KIF21A: variants seen among roughly 807,000 people sequenced by gnomAD.
KIF21A encodes kinesin-like protein KIF21A.
Under a neutral mutation model 202.9 loss-of-function variants are expected in KIF21A, and 114 were observed. The ratio of observed to expected loss-of-function variants is 0.56; its 90% CI spans 0.48 to 0.66. The LOEUF (loss-of-function observed/expected upper bound fraction) is 0.66. Ranked by LOEUF, KIF21A falls within the 30% of genes least tolerant of loss-of-function variation. The pLI is 0.00. For synonymous variants in KIF21A, 667 were observed against 670.8 expected (o/e 0.99, Z 0.09); for missense variants, 1,677 against 1,994.9 (o/e 0.84, Z 3.04).
Position 39,357,318 on chromosome 12 carries a change from C to A in KIF21A, c.1335G>T (p.Thr445=), listed in dbSNP as rs61740919. Reference sequence around the variant, plus strand: ...TAATTCTGGACCTCAATGCATCAACCGTCTCTTGCATGGCTTTAATTCTTA... The same window carrying A: ...TAATTCTGGACCTCAATGCATCAACAGTCTCTTGCATGGCTTTAATTCTTA... ...LRVRIKAMQE[T]VDALRSRITQ... is the part of the protein sequence containing the mutation. Residue 445 remains threonine, a synonymous_variant, in exon 9 of 38, where the codon ACG becomes ACT. Coordinates refer to ENST00000361418, the MANE Select transcript of KIF21A (RefSeq NM_001173464.2). 3.1e-3 allele frequency: 5,053 copies of A among 1,613,996 alleles called. 134 individuals carry two copies. The African/African-American group carries it at 0.058, about 18-fold the overall frequency.
chr12:39,379,440 GTC>G (rs1950475279), intron 1 of KIF21A, among the ~76,000 whole-genome samples: 1 of 151,836 alleles, frequency 6.6e-6, no homozygotes, highest in African/African-American at 2.4e-5. Flanking sequence ...ACTCACTCTG[GTC>G]TCTGCATGAT....
intron 17 of KIF21A, among the ~76,000 whole-genome samples, chr12:39,333,582 A>C (rs1052005905): frequency 6.6e-6 from 1 of 152,196 alleles, no homozygotes; most frequent in African/African-American, 2.4e-5. Flanking sequence ...TACAAATGTT[A>C]TCTTATTTAA....
Position 39,363,158 on chromosome 12 carries a change from T to C in KIF21A, c.959A>G (p.His320Arg), listed in dbSNP as rs1361472826. 2 of 1,613,436 alleles carry C rather than the reference T, an allele frequency of 1.2e-6. No individual in the cohort carries two copies. ...ALGDKSKRATHVPYRDSKLTR... is the reference protein window; with the variant it reads ...ALGDKSKRATRVPYRDSKLTR... ...TAGCTTGGAATCTCTATAGGGGACA[T>C]GTGTGGCCCTCTTGCTCTTGTCTCC... is the stretch of plus-strand genomic sequence containing the variant. The change falls in exon 7 of 38, where the codon CAT becomes CGT. Residue 320 changes from histidine (H) to arginine (R), a missense_variant. By Grantham distance (29) the His-to-Arg change is conservative. Coordinates refer to ENST00000361418, the MANE Select transcript of KIF21A (RefSeq NM_001173464.2).
rs1045018318 is a variant in KIF21A, at chr12:39,351,206, C to A, written c.1673+571G>T. ...GATGCAAAGAAGAGAAAGCCCAGAA[C>A]AGTGGTGAAAAGCTGAGTAACTCCT... On this transcript the variant is annotated intron_variant, in intron 11 of 37. Coordinates refer to ENST00000361418, the MANE Select transcript of KIF21A (RefSeq NM_001173464.2). Among the ~76,000 whole-genome samples, 4 of 152,170 alleles carry A rather than the reference C, an allele frequency of 2.6e-5. No individual in the cohort carries two copies. The East Asian group carries it at 7.7e-4, about 29-fold the overall frequency.
chr12:39,355,020 C>T (rs1014265127), intron 10 of KIF21A, among the ~76,000 whole-genome samples: 4 of 152,118 alleles, frequency 2.6e-5, no homozygotes, highest in African/African-American at 9.7e-5. Context: ...TTATGCTTAT[C>T]CCATATGTAA....
intron 1 of KIF21A, among the ~76,000 whole-genome samples, chr12:39,412,328 T>C (rs908740978): frequency 6.6e-6 from 1 of 152,194 alleles, no homozygotes; most frequent in African/African-American, 2.4e-5. Context: ...TTTAAATGTT[T>C]GACTAGTCAC....
At chr12:39,366,323 A>T (rs770334461) in intron 6 of KIF21A, 27 bp downstream of exon 6, 1 of 1,599,916 alleles carries the variant, frequency 6.3e-7, no homozygotes, top group South Asian at 1.1e-5. Context: ...GCTCTGATAT[A>T]TTCTCAGCAC....
At chr12:39,311,633 TC>T (rs1944046826) in intron 31 of KIF21A, 80 bp from the exon 32 acceptor site, 2 of 1,448,962 alleles carry the variant, frequency 1.4e-6, no homozygotes, top group Non-Finnish European at 1.9e-6. Context: ...TTTGTTTTTT[TC>T]CCCTAACTTT....
chr12:39,442,928 T>C lies in KIF21A; in HGVS notation c.43A>G (p.Arg15Gly). Residue 15 changes from arginine to glycine, a missense_variant and splice_region_variant, in exon 1 of 38, where the codon AGA (arginine) becomes GGA (glycine). Physicochemically the swap from Arg to Gly is moderately radical, Grantham distance 125. Transcript: ENST00000361418. This position sits in a 1 kb window ranked among gnomAD's most constrained non-coding sequence, Gnocchi z 5.0. ...CCGCCGCCGGCAGACTGTCCTCACC[T>C]GACAGCCACCCGCACGGAGCTCTCG... The part of the protein sequence containing the change: ...PDESSVRVAV[R>G]IRPQLAKEKI... The C allele has an allele frequency of 6.6e-7, 1 of 1,524,652 alleles. No individual in the cohort carries two copies. Among genetic ancestry groups the C allele is most frequent in the Non-Finnish European group, 8.8e-7 (1 of 1,142,798 alleles). 94.4% of individuals were successfully genotyped at this position (1,524,652 alleles called of 1,614,324 possible).
At chr12:39,395,014 A>G (rs763772205) in intron 1 of KIF21A, among the ~76,000 whole-genome samples, 3 of 152,052 alleles carry the variant, frequency 2.0e-5, no homozygotes, top group African/African-American at 4.8e-5. Flanking sequence ...TGTCTGTGTA[A>G]AATCTCTCAA....
intron 28 of KIF21A, among the ~76,000 whole-genome samples, chr12:39,318,931 AGATAGCGCCACT>A (rs1401992294): frequency 6.6e-6 from 1 of 151,870 alleles, no homozygotes; most frequent in East Asian, 1.9e-4. Context: ...CAGTGAGCCG[AGATAGCGCCACT>A]GCACTCCAGC....
At chr12:39,375,582 A>C (rs1319449392) in intron 1 of KIF21A, among the ~76,000 whole-genome samples, 5 of 152,082 alleles carry the variant, frequency 3.3e-5, no homozygotes, top group Admixed American at 1.3e-4. Context: ...GCAACCATAT[A>C]ATAGGGGTAT....
chr12:39,390,526 C>T (rs1592501363), intron 1 of KIF21A, among the ~76,000 whole-genome samples: 2 of 151,912 alleles, frequency 1.3e-5, no homozygotes, highest in Admixed American at 1.3e-4. Context: ...CAATGAAAAC[C>T]TAAGATCTAA....
chr12:39,349,410 G>A (rs962370941), intron 11 of KIF21A, among the ~76,000 whole-genome samples: 1 of 151,982 alleles, frequency 6.6e-6, no homozygotes, highest in African/African-American at 2.4e-5. Context: ...ATTTTGCAAT[G>A]CCCTCTCTGA....
rs746745082 is a variant in KIF21A, at chr12:39,363,124, T to C, written c.993A>G (p.Leu331=). The change falls in exon 7 of 38, where the codon CTA becomes CTG. Residue 331 remains leucine, a synonymous_variant. Coordinates refer to ENST00000361418, the MANE Select transcript of KIF21A (RefSeq NM_001173464.2). ...VPYRDSKLTR[L]LQDSLGGNSQ... ...TATTACCCCCGAGGGAATCCTGTAG[T>C]AGTCTTGTTAGCTTGGAATCTCTAT... 1 of 1,611,578 alleles carries C rather than the reference T, an allele frequency of 6.2e-7. No individual in the cohort carries two copies. The highest frequency in any genetic ancestry group is 1.7e-4 in the Middle Eastern group (1 of 6,050).
At chr12:39,346,378 A>T in intron 12 of KIF21A, 88 bp downstream of exon 12, 1 of 890,438 alleles carries the variant, frequency 1.1e-6, no homozygotes, top group South Asian at 4.6e-5. Context: ...AGTCTGAAAC[A>T]ATCTATAATA....
At chr12:39,381,162 G>T (rs936361058) in intron 1 of KIF21A, among the ~76,000 whole-genome samples, 1 of 151,720 alleles carries the variant, frequency 6.6e-6, no homozygotes, top group East Asian at 1.9e-4. Context: ...AAAAAAATTA[G>T]CTGGGCGTGG....
At chr12:39,305,222 C>T (rs2137495) in intron 34 of KIF21A, among the ~76,000 whole-genome samples, 15,117 of 151,620 alleles carry the variant, frequency 0.1, 761 homozygotes, top group East Asian at 0.14. Flanking sequence ...AAAAATTAGC[C>T]GGATGTGGTG....
chr12:39,297,362 A>C (rs1292050574), intron 37 of KIF21A, among the ~76,000 whole-genome samples: 1 of 152,178 alleles, frequency 6.6e-6, no homozygotes, highest in Non-Finnish European at 1.5e-5. Flanking sequence ...GATAGACTGG[A>C]TTAAGAAAAT....
Sources: allele counts gnomAD v4.1 joint callset (sites outside exome capture counted in the v4.1 genomes callset), GRCh38; gene constraint gnomAD v4.1.1; non-coding constraint Gnocchi (gnomAD v3.1); transcripts MANE v1.5; gene names NCBI Gene and HGNC (gene_info 2026-07-23, HGNC 2026-07-21).